OCA2: variants seen among roughly 807,000 people sequenced by gnomAD.
OCA2 encodes the protein OCA2 melanosomal transmembrane protein.
A neutral mutation model predicts 100.2 loss-of-function variants in OCA2; 77 were observed. That is an observed-to-expected ratio of 0.77 (90% CI 0.64 to 0.93). The LOEUF (loss-of-function observed/expected upper bound fraction) is 0.93. OCA2 is among the 40% of genes least tolerant of loss of function. The probability of loss-of-function intolerance (pLI) is 0.00; values close to 1 mark genes in which losing one functional copy is unlikely to be tolerated. For synonymous variants in OCA2, 432 were observed against 439.2 expected, an observed-to-expected ratio of 0.98 and a Z score of 0.21; for missense variants, 1,062 against 1,089.1, an observed-to-expected ratio of 0.98 and a Z score of 0.35.
chr15:27,864,508 C>T (rs986238879), intron 21 of OCA2, among the ~76,000 whole-genome samples: 1 of 151,978 alleles, frequency 6.6e-6, no homozygotes, highest in African/African-American at 2.4e-5. Context: ...CTCTCCTGTG[C>T]CAGGTGTGAT....
chr15:27,917,437 G>C (rs1327532687), intron 19 of OCA2, among the ~76,000 whole-genome samples: 1 of 152,194 alleles, frequency 6.6e-6, no homozygotes, highest in African/African-American at 2.4e-5. Flanking sequence ...GAAAGCCTGT[G>C]CTCATAAACA....
chr15:28,063,156 A>C (rs1368998011), intron 2 of OCA2, among the ~76,000 whole-genome samples: 1 of 152,186 alleles, frequency 6.6e-6, no homozygotes, highest in Admixed American at 6.5e-5. Context: ...CACTTTTATT[A>C]CCAGAAATTC....
At chr15:28,008,163 T>C (rs1395477566) in intron 9 of OCA2, among the ~76,000 whole-genome samples, 2 of 152,330 alleles carry the variant, frequency 1.3e-5, no homozygotes, top group East Asian at 1.9e-4. Flanking sequence ...CGACAAAGCA[T>C]GTAAAAAGTA....
chr15:27,927,189 T>C (rs2039074145), intron 18 of OCA2, among the ~76,000 whole-genome samples: 1 of 152,110 alleles, frequency 6.6e-6, no homozygotes, highest in Non-Finnish European at 1.5e-5. Context: ...CTTGGGAGGC[T>C]GAGGCAGGAG....
chr15:28,011,977 CAAA>C, intron 9 of OCA2, among the ~76,000 whole-genome samples: 1 of 125,432 alleles, frequency 8.0e-6, no homozygotes. Flanking sequence ...GCTTTGTCTC[CAAA>C]AAAAAAAAAG....
intron 23 of OCA2, among the ~76,000 whole-genome samples, chr15:27,832,690 T>C (rs2035007092): frequency 6.6e-6 from 1 of 152,216 alleles, no homozygotes; most frequent in Non-Finnish European, 1.5e-5. Context: ...CAGCACACAG[T>C]ATCTGCCTGC....
the OCA2 span, among the ~76,000 whole-genome samples, chr15:27,740,987 AG>A: frequency 1.3e-5 from 2 of 152,210 alleles, no homozygotes; most frequent in African/African-American, 4.8e-5. Context: ...CAGTAAGTAG[AG>A]TAGAGGAAGC....
At chr15:27,781,237 G>T (rs2032524788) in intron 23 of OCA2, among the ~76,000 whole-genome samples, 2 of 152,132 alleles carry the variant, frequency 1.3e-5, no homozygotes, top group African/African-American at 4.8e-5. Context: ...ATCTCTTCTT[G>T]GGTGTTGGAA....
intron 23 of OCA2, among the ~76,000 whole-genome samples, chr15:27,805,489 C>A (rs2033798321): frequency 1.3e-5 from 2 of 152,176 alleles, no homozygotes; most frequent in African/African-American, 4.8e-5. Flanking sequence ...AATCTCCAGG[C>A]GGCGACAGCA....
At chr15:27,966,452 C>T (rs1309947675) in intron 15 of OCA2, among the ~76,000 whole-genome samples, 3 of 152,310 alleles carry the variant, frequency 2.0e-5, no homozygotes, top group African/African-American at 7.2e-5. Flanking sequence ...GTGAGTTGTA[C>T]ATGGTGGCCA....
intron 9 of OCA2, among the ~76,000 whole-genome samples, chr15:28,005,718 G>A (rs74846885): frequency 0.027 from 4,112 of 152,220 alleles, 207 homozygotes; most frequent in African/African-American, 0.094. Context: ...TACATCACAA[G>A]GTCATTGGCA....
intron 18 of OCA2, among the ~76,000 whole-genome samples, chr15:27,946,964 C>G (rs555369816): frequency 6.6e-6 from 1 of 152,198 alleles, no homozygotes; most frequent in Non-Finnish European, 1.5e-5. Flanking sequence ...GAAGGAGTGC[C>G]GCTCAGAGAG....
At chr15:27,791,321 C>T (rs1164338739) in intron 23 of OCA2, among the ~76,000 whole-genome samples, 1 of 152,190 alleles carries the variant, frequency 6.6e-6, no homozygotes, top group African/African-American at 2.4e-5. Flanking sequence ...TAGGATCCTA[C>T]ACAGCTATAC....
intron 17 of OCA2, among the ~76,000 whole-genome samples, chr15:27,952,428 A>G (rs564601065): frequency 2.0e-5 from 3 of 152,308 alleles, no homozygotes; most frequent in Admixed American, 6.5e-5. Context: ...CAAGGCCTCC[A>G]TCAACCTAGG....
At chr15:27,981,725 A>G (rs1004202394) in intron 14 of OCA2, among the ~76,000 whole-genome samples, 8 of 152,058 alleles carry the variant, frequency 5.3e-5, no homozygotes, top group Non-Finnish European at 1.2e-4. Flanking sequence ...GGTCTCATGT[A>G]GTCTCCTCGC....
At chr15:27,820,626 A>G (rs961173496) in intron 23 of OCA2, among the ~76,000 whole-genome samples, 1 of 152,208 alleles carries the variant, frequency 6.6e-6, no homozygotes, top group Non-Finnish European at 1.5e-5. Flanking sequence ...GGGGTCCCCG[A>G]TGGGGTCCTG....
At chr15:27,856,875 C>T (rs2035968791) in intron 21 of OCA2, among the ~76,000 whole-genome samples, 1 of 152,154 alleles carries the variant, frequency 6.6e-6, no homozygotes, top group Admixed American at 6.5e-5. Flanking sequence ...CAGCACTCAA[C>T]AAGCAAGACT....
chr15:27,851,047 G>T (rs1311696978), intron 22 of OCA2, among the ~76,000 whole-genome samples: 1 of 152,204 alleles, frequency 6.6e-6, no homozygotes, highest in Non-Finnish European at 1.5e-5. Flanking sequence ...GAGAGAAAGA[G>T]AACTGCAACT....
rs765539069 is a variant in OCA2 at position 28,081,842 on chromosome 15, G to A, written c.33C>T (p.Tyr11=). 17 of 1,611,318 alleles carry A rather than the reference G, an allele frequency of 1.1e-5. No homozygotes were observed. Among genetic ancestry groups the A allele is most frequent in the Admixed American group, 1.7e-5 (1 of 59,962 alleles). ...GGAGCTCCACCGCCGGCGCGCCGGG[G>A]TACCGCCTGCCGTCTCTGCCCTCCA... MHLEGRDGRR[Y]PGAPAVELLQ... is the part of the protein sequence containing the mutation. The change falls in exon 2 of 24, where the codon TAC becomes TAT. Residue 11 remains tyrosine, a synonymous_variant. Transcript: ENST00000354638.
Sources: gnomAD v4.1 joint callset for allele counts (sites outside exome capture counted in the v4.1 genomes callset) on GRCh38, gnomAD v4.1.1 for gene constraint, MANE v1.5 for transcripts, NCBI Gene and HGNC (gene_info 2026-07-23, HGNC 2026-07-21) for gene names.